Variants in NME6 observed in about 807,000 individuals in gnomAD.
NME6 encodes NME/NM23 nucleoside diphosphate kinase 6, also known as nucleoside diphosphate kinase 6, mitochondrial.
NME6 carries 16 observed loss-of-function variants against 22.2 expected under a neutral mutation model. That is an observed-to-expected ratio of 0.72 (90% confidence interval 0.49 to 1.09). NME6 has a LOEUF of 1.09. Among genes scored for constraint, NME6 ranks in the 50% least tolerant of loss-of-function variants. The pLI is 0.00. For synonymous variants in NME6, 58 were observed against 85.2 expected (o/e 0.68, Z 1.76); for missense variants, 229 against 239.0 (o/e 0.96, Z 0.28).
chr3:48,295,664 C>T (rs1205438857), intron 4 of NME6: 1 of 243,182 alleles, frequency 4.1e-6, no homozygotes, highest in East Asian at 1.1e-4. Flanking sequence ...GCCTCAGCTT[C>T]CCGAGTAGTT....
At chr3:48,300,286 C>T in intron 1 of NME6, 1 of 456,802 alleles carries the variant, frequency 2.2e-6, no homozygotes, top group South Asian at 1.5e-5. Flanking sequence ...CCTCTCTAGC[C>T]TCATCTGGAA....
At chr3:48,289,508 G>A (rs534762727), downstream of NME6, among the ~76,000 whole-genome samples, 13 of 152,210 alleles carry the variant, frequency 8.5e-5, no homozygotes, top group Non-Finnish European at 1.8e-4. Context: ...AGCAGTGGAT[G>A]TGGAGAGCCG....
chr3:48,290,898 A>T, downstream of NME6: 1 of 241,058 alleles, frequency 4.1e-6, no homozygotes, highest in Non-Finnish European at 8.2e-6. Context: ...TTCTTCTTTT[A>T]AGGTCCCAGG....
At chr3:48,296,026 C>G in intron 4 of NME6, 93 bp downstream of exon 4, 4 of 953,178 alleles carry the variant, frequency 4.2e-6, no homozygotes, top group Non-Finnish European at 3.4e-6. Context: ...CTGATTACAA[C>G]TTTAAAGAAT....
intron 2 of NME6, chr3:48,297,630 TAAC>T (rs544795175): frequency 2.7e-4 from 41 of 152,544 alleles, no homozygotes; most frequent in African/African-American, 9.6e-4. Flanking sequence ...TTACATTACA[TAAC>T]AACAGGGATT....
intron 4 of NME6, 31 bp downstream of exon 4, chr3:48,296,088 G>C (rs1453319535): frequency 7.1e-7 from 1 of 1,411,702 alleles, no homozygotes. Context: ...AGCCTCAGTG[G>C]ATAAAGATGC....
chr3:48,300,928 G>A (rs530783308), intron 1 of NME6, among the ~76,000 whole-genome samples: 77 of 152,052 alleles, frequency 5.1e-4, no homozygotes, highest in Non-Finnish European at 8.2e-4. Context: ...CGCGCCTACA[G>A]TCACAGCTAC....
At chr3:48,300,062 T>C (rs1292743112) in intron 1 of NME6, among the ~76,000 whole-genome samples, 1 of 152,218 alleles carries the variant, frequency 6.6e-6, no homozygotes, top group African/African-American at 2.4e-5. Context: ...ATCATTCCCC[T>C]CTGGACATCT....
chr3:48,295,265 C>T (rs920091343), intron 4 of NME6, 30 bp from the exon 5 acceptor site: 3 of 1,593,710 alleles, frequency 1.9e-6, no homozygotes, highest in African/African-American at 1.3e-5. Context: ...ATGTAAAGAA[C>T]CTGGCCATCT....
Position 48,298,899 on chromosome 3 carries a change from T to C in NME6, c.-7-376A>G, listed in dbSNP as rs1474515179. The C allele has an allele frequency of 8.6e-6, 6 of 697,758 alleles. No homozygotes were observed. The East Asian group carries it at 1.6e-4, about 19-fold the overall frequency. The allele number at this position is 697,758 out of a possible 1,614,324, so 43.2% of individuals were successfully genotyped here. ...ACAATTTATACTCCTAAACAGCCTA[T>C]CCACAAGGCCTATTCATAATGATGA... On this transcript the variant is annotated intron_variant, in intron 1 of 5. Coordinates refer to ENST00000442597, the MANE Select transcript of NME6 (RefSeq NM_001308426.2).
intron 1 of NME6, chr3:48,299,097 T>C (rs2035435748): frequency 1.6e-6 from 1 of 645,114 alleles, no homozygotes; most frequent in East Asian, 2.7e-5. Flanking sequence ...AAATCAAACC[T>C]GTTAATACAC....
rs1405485074 is a variant in NME6 at position 48,294,368 on chromosome 3, G to A, written c.*269C>T. ...ATTATAGGCGTGAGCCACCGTGCCCGGCCTGGCAAGCTTCTTCTTGAAGAA... is the reference window on the plus strand; with the variant it reads ...ATTATAGGCGTGAGCCACCGTGCCCAGCCTGGCAAGCTTCTTCTTGAAGAA... On this transcript the variant is annotated 3_prime_UTR_variant, in exon 6 of 6. Coordinates refer to ENST00000442597, the MANE Select transcript of NME6 (RefSeq NM_001308426.2). 8.8e-6 allele frequency: 3 copies of A among 338,988 alleles called. No homozygotes were observed. Among genetic ancestry groups the A allele is most frequent in the African/African-American group, 2.0e-5 (1 of 49,206 alleles). 21.0% of individuals were successfully genotyped at this position (338,988 alleles called of 1,614,324 possible).
Position 48,294,782 on chromosome 3 carries a change from C to T in NME6, c.416G>A (p.Arg139Lys). 6.2e-7 allele frequency: 1 copy of T among 1,614,106 alleles called. No individual in the cohort carries two copies. The highest frequency in any genetic ancestry group is 1.1e-5 in the South Asian group (1 of 91,088). The change falls in exon 6 of 6, where the codon AGA (arginine) becomes AAA (lysine). Residue 139 changes from arginine (R) to lysine (K), a missense_variant. Transcript: ENST00000442597. ...HGSDSVVSASREIAAFFPDFS... is the reference protein window; with the variant it reads ...HGSDSVVSASKEIAAFFPDFS... ...GTCAGGGAAGAAGGCTGCAATCTCT[C>T]TGCTGGCTGAAACCACAGAGTCTGT...
downstream of NME6, chr3:48,291,076 G>T: frequency 3.4e-6 from 1 of 292,198 alleles, no homozygotes; most frequent in Non-Finnish European, 6.8e-6. Context: ...CCATTACACA[G>T]TTACACAAGG....
At chr3:48,299,577 G>GTA (rs35679809) in intron 1 of NME6, among the ~76,000 whole-genome samples, 31,137 of 151,108 alleles carry the variant, frequency 0.21, 4,110 homozygotes, top group South Asian at 0.29. Flanking sequence ...GTGTGTGTGT[G>GTA]TATATATATA....
At chr3:48,294,840 A>G in intron 5 of NME6, 37 bp from the exon 6 acceptor site, 1 of 1,601,176 alleles carries the variant, frequency 6.2e-7, no homozygotes, top group Non-Finnish European at 8.5e-7. Flanking sequence ...GGGTTCTCAC[A>G]TGGTAGAAGC....
intron 5 of NME6, 65 bp from the exon 6 acceptor site, chr3:48,294,868 A>G: frequency 6.4e-7 from 1 of 1,558,854 alleles, no homozygotes; most frequent in Non-Finnish European, 8.8e-7. Flanking sequence ...AGTCATAATC[A>G]GGTTCAGAAT....
chr3:48,294,766 G>T lies in NME6; in HGVS notation c.432C>A (p.Phe144Leu), dbSNP rs879109239. Residue 144 changes from phenylalanine to leucine, a missense_variant, in exon 6 of 6, where the codon TTC becomes TTA. Coordinates refer to ENST00000442597, the MANE Select transcript of NME6 (RefSeq NM_001308426.2). ...AGCGCTGTTCACTGAAGTCAGGGAA[G>T]AAGGCTGCAATCTCTCTGCTGGCTG... Reference protein sequence around the residue: ...VVSASREIAAFFPDFSEQRWY... With the variant: ...VVSASREIAALFPDFSEQRWY... 4 of 1,614,180 alleles carry T rather than the reference G, an allele frequency of 2.5e-6. No homozygotes were observed. Among genetic ancestry groups the T allele is most frequent in the Middle Eastern group, 1.6e-4 (1 of 6,062 alleles).
intron 2 of NME6, 123 bp downstream of exon 2, chr3:48,298,304 C>G: frequency 2.4e-6 from 2 of 849,110 alleles, no homozygotes; most frequent in Middle Eastern, 2.2e-4. Context: ...TTCATGGCTT[C>G]TAGCTTTGCC....
Sources: allele counts gnomAD v4.1 joint callset (sites outside exome capture counted in the v4.1 genomes callset), GRCh38; gene constraint gnomAD v4.1.1; transcripts MANE v1.5; gene names NCBI Gene and HGNC (gene_info 2026-07-23, HGNC 2026-07-21).